HS6ST3: variants seen among roughly 807,000 people sequenced by gnomAD.
HS6ST3 encodes heparan sulfate 6-O-sulfotransferase 3, also known as heparan-sulfate 6-O-sulfotransferase 3.
A neutral mutation model predicts 36.7 loss-of-function variants in HS6ST3; 12 were observed. The ratio of observed to expected loss-of-function variants is 0.33; its 90% CI spans 0.21 to 0.53. HS6ST3 has a LOEUF of 0.53. Ranked by LOEUF, HS6ST3 falls within the 20% of genes least tolerant of loss-of-function variation. The probability of loss-of-function intolerance (pLI) is 0.95; values close to 1 mark genes in which losing one functional copy is unlikely to be tolerated. For synonymous variants in HS6ST3, 240 were observed against 257.5 expected (o/e 0.93, Z 0.65); for missense variants, 584 against 640.9 (o/e 0.91, Z 0.96).
At chr13:96,618,075 G>C (rs1184960034) in intron 1 of HS6ST3, among the ~76,000 whole-genome samples, 1 of 152,064 alleles carries the variant, frequency 6.6e-6, no homozygotes, top group African/African-American at 2.4e-5. Context: ...CTCATCTTGG[G>C]CAACCCCTGT....
intron 1 of HS6ST3, among the ~76,000 whole-genome samples, chr13:96,388,059 A>T (rs2147689): frequency 6.6e-6 from 1 of 152,234 alleles, no homozygotes; most frequent in East Asian, 1.9e-4. Context: ...TTTGCCTGGA[A>T]TTCCATAGAT....
intron 1 of HS6ST3, among the ~76,000 whole-genome samples, chr13:96,680,267 A>G (rs549459144): frequency 3.6e-4 from 55 of 152,216 alleles, no homozygotes; most frequent in African/African-American, 8.2e-4. Flanking sequence ...CCACCATGCC[A>G]TCACCACCTG....
chr13:96,404,734 G>A (rs75529844), intron 1 of HS6ST3, among the ~76,000 whole-genome samples: 2 of 152,152 alleles, frequency 1.3e-5, no homozygotes, highest in Non-Finnish European at 2.9e-5. Flanking sequence ...GTGGTGAGCT[G>A]GGGGAAATTA....
intron 1 of HS6ST3, among the ~76,000 whole-genome samples, chr13:96,370,544 A>G (rs770408627): frequency 6.6e-5 from 10 of 152,208 alleles, no homozygotes; most frequent in Non-Finnish European, 1.5e-4. Flanking sequence ...ATGTTCCTCT[A>G]GAATGTCATG....
At chr13:96,609,332 T>A (rs941101343) in intron 1 of HS6ST3, among the ~76,000 whole-genome samples, 31 of 152,166 alleles carry the variant, frequency 2.0e-4, no homozygotes, top group Non-Finnish European at 2.9e-5. Context: ...AATATAAAAA[T>A]TACTAGACAG....
At chr13:96,655,982 A>G (rs1415783641) in intron 1 of HS6ST3, among the ~76,000 whole-genome samples, 1 of 152,178 alleles carries the variant, frequency 6.6e-6, no homozygotes, top group African/African-American at 2.4e-5. Flanking sequence ...TACCACAATT[A>G]TAATTCAGAA....
chr13:96,616,078 C>G (rs891086290), intron 1 of HS6ST3, among the ~76,000 whole-genome samples: 1 of 152,202 alleles, frequency 6.6e-6, no homozygotes, highest in Non-Finnish European at 1.5e-5. Context: ...TCTCAACCAT[C>G]TGCCTGTGAA....
At chr13:96,703,929 C>A (rs1875353731) in intron 1 of HS6ST3, among the ~76,000 whole-genome samples, 1 of 152,150 alleles carries the variant, frequency 6.6e-6, no homozygotes, top group Non-Finnish European at 1.5e-5. Context: ...CTCTCCCCAC[C>A]CCCACAAGCT....
intron 1 of HS6ST3, among the ~76,000 whole-genome samples, chr13:96,208,104 A>C (rs1253041801): frequency 6.6e-6 from 1 of 152,228 alleles, no homozygotes; most frequent in Non-Finnish European, 1.5e-5. Flanking sequence ...AACATTTCAA[A>C]AAATACATAT....
At chr13:96,402,277 T>C (rs1279042749) in intron 1 of HS6ST3, among the ~76,000 whole-genome samples, 1 of 152,206 alleles carries the variant, frequency 6.6e-6, no homozygotes, top group African/African-American at 2.4e-5. Flanking sequence ...AAAGTGGAGA[T>C]AACAATAGCA....
At chr13:96,360,950 A>AC (rs567594219) in intron 1 of HS6ST3, among the ~76,000 whole-genome samples, 130 of 151,962 alleles carry the variant, frequency 8.6e-4, no homozygotes, top group East Asian at 6.2e-3. Context: ...TGTCCCAAAA[A>AC]AAAAAAAAAA....
intron 1 of HS6ST3, among the ~76,000 whole-genome samples, chr13:96,282,912 G>T (rs1260439898): frequency 6.6e-6 from 1 of 152,158 alleles, no homozygotes; most frequent in Non-Finnish European, 1.5e-5. Context: ...ATTGTTTAAT[G>T]TAAAATAGCA....
chr13:96,241,554 C>T (rs558798008), intron 1 of HS6ST3, among the ~76,000 whole-genome samples: 2 of 151,258 alleles, frequency 1.3e-5, no homozygotes, highest in East Asian at 1.9e-4. Flanking sequence ...TTAATGAGAA[C>T]TCAATGCAGA....
chr13:96,192,429 A>G (rs1374088702), intron 1 of HS6ST3, among the ~76,000 whole-genome samples: 1 of 151,988 alleles, frequency 6.6e-6, no homozygotes, highest in Admixed American at 6.6e-5. Flanking sequence ...CGCTTTTTCA[A>G]CCTTTGTGCC....
chr13:96,679,632 T>C (rs896581919), intron 1 of HS6ST3, among the ~76,000 whole-genome samples: 1 of 152,146 alleles, frequency 6.6e-6, no homozygotes, highest in African/African-American at 2.4e-5. Context: ...TGCTTTCTGG[T>C]CTTTTTGATA....
intron 1 of HS6ST3, among the ~76,000 whole-genome samples, chr13:96,254,838 G>T (rs1476132769): frequency 6.6e-6 from 1 of 152,054 alleles, no homozygotes; most frequent in African/African-American, 2.4e-5. Context: ...ACTTCAAGTT[G>T]TTCCAGAAAA....
At chr13:96,662,957 T>C (rs1340111213) in intron 1 of HS6ST3, among the ~76,000 whole-genome samples, 2 of 152,148 alleles carry the variant, frequency 1.3e-5, no homozygotes, top group Non-Finnish European at 2.9e-5. Context: ...TTTTTGTTTG[T>C]TGGGAGGTGC....
chr13:96,701,472 C>T (rs750596840), intron 1 of HS6ST3, among the ~76,000 whole-genome samples: 2 of 152,082 alleles, frequency 1.3e-5, no homozygotes, highest in Non-Finnish European at 2.9e-5. Flanking sequence ...ACTTAACTTG[C>T]CTTCATTTTT....
chr13:96,175,391 C>T, intron 1 of HS6ST3, among the ~76,000 whole-genome samples: 1 of 151,330 alleles, frequency 6.6e-6, no homozygotes. Context: ...TTAAAATATT[C>T]TCTTTATCTT....
Sources: gnomAD v4.1 joint callset for allele counts (sites outside exome capture counted in the v4.1 genomes callset) on GRCh38, gnomAD v4.1.1 for gene constraint, MANE v1.5 for transcripts, NCBI Gene and HGNC (gene_info 2026-07-23, HGNC 2026-07-21) for gene names.